CCDC6: variants seen among roughly 807,000 people sequenced by gnomAD.
CCDC6 encodes the protein coiled-coil domain containing 6, also known as coiled-coil domain-containing protein 6.
In CCDC6, 20 loss-of-function variants were observed where a neutral mutation model predicts 56.6. That is an observed-to-expected ratio of 0.35 (90% CI 0.25 to 0.51). The LOEUF is 0.51. Ranked by LOEUF, CCDC6 falls within the 20% of genes least tolerant of loss-of-function variation. CCDC6 has a pLI of 0.95. For missense variants in CCDC6, 367 were observed against 601.1 expected (o/e 0.61, Z 4.07); for synonymous variants, 241 against 234.4 (o/e 1.03, Z -0.26).
intron 4 of CCDC6, 39 bp downstream of exon 4, chr10:59,814,599 AACACACACACACAC>A: frequency 1.1e-6 from 1 of 927,204 alleles, no homozygotes; most frequent in South Asian, 1.4e-5. Context: ...CCAGAGCAGC[AACACACACACACAC>A]ACACACACAC....
intron 3 of CCDC6, among the ~76,000 whole-genome samples, chr10:59,817,895 G>T (rs1162943875): frequency 6.6e-6 from 1 of 152,112 alleles, no homozygotes; most frequent in Non-Finnish European, 1.5e-5. Context: ...CTTCAGTCGG[G>T]GCTAGTTCCG....
intron 1 of CCDC6, among the ~76,000 whole-genome samples, chr10:59,904,000 C>T (rs903513260): frequency 6.6e-6 from 1 of 152,322 alleles, no homozygotes; most frequent in East Asian, 1.9e-4. Context: ...TCCTTAGTAA[C>T]AACTGCCAAG....
rs138454331 is a variant in CCDC6 at position 59,839,534 on chromosome 10, CCT to C, written c.454-6883_454-6882del. Among the ~76,000 whole-genome samples, 916 of 152,228 alleles carry C rather than the reference CCT, an allele frequency of 6.0e-3. 11 individuals are homozygous for C. Among genetic ancestry groups the C allele is most frequent in the African/African-American group, 0.021 (875 of 41,534 alleles). ...ATATATCATGGTCTGCCCCAAAGCC[CCT>C]GTTTCTCTTCCTGTTTATAGCCCCT... On this transcript the variant is annotated intron_variant, in intron 2 of 8. Transcript: ENST00000263102.
chr10:59,849,225 A>C (rs1264204512), intron 2 of CCDC6, among the ~76,000 whole-genome samples: 2 of 152,194 alleles, frequency 1.3e-5, no homozygotes, highest in Non-Finnish European at 2.9e-5. Context: ...TGGGCTCAGA[A>C]AGATGTAGAC....
intron 2 of CCDC6, among the ~76,000 whole-genome samples, chr10:59,841,675 G>T (rs113985297): frequency 1.9e-4 from 27 of 138,698 alleles, no homozygotes; most frequent in South Asian, 1.7e-3. Flanking sequence ...TTTTTTGTTT[G>T]TTTTTTTTTT....
Position 59,790,672 on chromosome 10 carries a change from A to AGCTGTGGAAGGAGCTGTTTGAAGGAGT in CCDC6, c.*2244_*2245insACTCCTTCAAACAGCTCCTTCCACAGC, listed in dbSNP as rs2070459906. 9.1e-6 allele frequency: 2 copies of AGCTGTGGAAGGAGCTGTTTGAAGGAGT among 220,476 alleles called. No individual in the cohort carries two copies. The highest frequency in any genetic ancestry group is 4.5e-5 in the African/African-American group (2 of 44,306). The allele number at this position is 220,476 out of a possible 1,614,324, so 13.7% of individuals were successfully genotyped here. On this transcript the variant is annotated 3_prime_UTR_variant, in exon 9 of 9. Coordinates refer to ENST00000263102, the MANE Select transcript of CCDC6 (RefSeq NM_005436.5). ...ATGTGGAAAAAGTGCTGTTTGAAGG[A>AGCTGTGGAAGGAGCTGTTTGAAGGAGT]GCTGTGTTTTATTTCGAAGTGAAAT...
At chr10:59,900,567 A>G (rs1228089701) in intron 1 of CCDC6, among the ~76,000 whole-genome samples, 1 of 152,182 alleles carries the variant, frequency 6.6e-6, no homozygotes, top group African/African-American at 2.4e-5. Flanking sequence ...AAACCACCAG[A>G]AGGTTCACCT....
intron 1 of CCDC6, among the ~76,000 whole-genome samples, chr10:59,878,784 G>A (rs2132673383): frequency 6.6e-6 from 1 of 152,262 alleles, no homozygotes. Context: ...AGATTTCAGT[G>A]CCTCCATGGG....
At chr10:59,857,026 T>A (rs2071085625) in intron 1 of CCDC6, among the ~76,000 whole-genome samples, 1 of 152,224 alleles carries the variant, frequency 6.6e-6, no homozygotes, top group Non-Finnish European at 1.5e-5. Context: ...TATTTAGAAA[T>A]TTGGTATAAT....
Position 59,872,784 on chromosome 10 carries a change from G to GC in CCDC6, c.304-20083_304-20082insG, listed in dbSNP as rs374114837. ...AAAGAGGATAACTTTCCAGATGGGG[G>GC]GGTGGGGGAAGGTAACAACATTAGA... On this transcript the variant is annotated intron_variant, in intron 1 of 8. Coordinates refer to ENST00000263102, the MANE Select transcript of CCDC6 (RefSeq NM_005436.5). 6.2e-4 allele frequency among the ~76,000 whole-genome samples: 73 copies of GC among 118,686 alleles called. 2 individuals carry two copies. The highest frequency in any genetic ancestry group is 1.9e-3 in the African/African-American group (69 of 36,196). 77.9% of individuals were successfully genotyped at this position (118,686 alleles called of 152,430 possible).
intron 5 of CCDC6, among the ~76,000 whole-genome samples, chr10:59,809,460 A>T (rs1177582091): frequency 6.6e-6 from 1 of 152,210 alleles, no homozygotes; most frequent in Non-Finnish European, 1.5e-5. Flanking sequence ...TTGACCTAGA[A>T]GACAGAGGCA....
chr10:59,832,678 G>A, intron 2 of CCDC6, 25 bp from the exon 3 acceptor site: 1 of 1,608,066 alleles, frequency 6.2e-7, no homozygotes, highest in Non-Finnish European at 8.5e-7. Flanking sequence ...ACACCGAGAT[G>A]TGGAAATCAG....
chr10:59,905,216 G>A (rs1343734953), intron 1 of CCDC6, among the ~76,000 whole-genome samples: 1 of 152,028 alleles, frequency 6.6e-6, no homozygotes, highest in Non-Finnish European at 1.5e-5. Context: ...CTGCTATAGG[G>A]GCCTTTCTAA....
At chr10:59,876,855 G>C (rs2071286742) in intron 1 of CCDC6, among the ~76,000 whole-genome samples, 1 of 152,136 alleles carries the variant, frequency 6.6e-6, no homozygotes, top group Non-Finnish European at 1.5e-5. Flanking sequence ...GTTAATGACA[G>C]GTTATGTTAT....
chr10:59,829,498 A>T (rs2070817355), intron 3 of CCDC6, among the ~76,000 whole-genome samples: 1 of 152,240 alleles, frequency 6.6e-6, no homozygotes, highest in African/African-American at 2.4e-5. Context: ...TCTTCATAAT[A>T]ACTAAAAGAT....
chr10:59,833,831 C>T lies in CCDC6; in HGVS notation c.454-1178G>A, dbSNP rs188975745. 4.4e-3 allele frequency among the ~76,000 whole-genome samples: 664 copies of T among 152,304 alleles called. 3 individuals carry two copies. Among genetic ancestry groups the T allele is most frequent in the South Asian group, 0.011 (51 of 4,824 alleles). ...CAGACACTATACACCAGGTTCTTCA[C>T]ATGCATTTAGACAGGCATGGTCACT... On this transcript the variant is annotated intron_variant, in intron 2 of 8. Transcript: ENST00000263102.
At chr10:59,889,689 G>A (rs529595718) in intron 1 of CCDC6, among the ~76,000 whole-genome samples, 1 of 152,168 alleles carries the variant, frequency 6.6e-6, no homozygotes, top group Admixed American at 6.5e-5. Flanking sequence ...CCAATAAGAG[G>A]CACTAGCAAG....
At chr10:59,896,589 T>TA (rs143958914) in intron 1 of CCDC6, among the ~76,000 whole-genome samples, 28,179 of 144,464 alleles carry the variant, frequency 0.2, 3,080 homozygotes, top group Middle Eastern at 0.29. Flanking sequence ...AGTCTTTCTT[T>TA]AAAAAAAAAA....
rs1212146719 is a variant in CCDC6, at chr10:59,789,087, A to C, written c.*3830T>G. 1 of 75,958 alleles carries C rather than the reference A, an allele frequency of 1.3e-5. No homozygotes were observed. Among genetic ancestry groups the C allele is most frequent in the Non-Finnish European group, 2.1e-5 (1 of 46,830 alleles). The allele number at this position is 75,958 out of a possible 1,614,324, so 4.7% of individuals were successfully genotyped here. ...CTAAGTTCCAAATCAAGTCCAAAGA[A>C]GGCTCAGGGGTCAACCTGACCAGAT... On this transcript the variant is annotated 3_prime_UTR_variant, in exon 9 of 9. Transcript: ENST00000263102.
Sources: gnomAD v4.1 joint callset for allele counts (sites outside exome capture counted in the v4.1 genomes callset) on GRCh38, gnomAD v4.1.1 for gene constraint, MANE v1.5 for transcripts, NCBI Gene and HGNC (gene_info 2026-07-23, HGNC 2026-07-21) for gene names.